PRCD: variants seen among roughly 807,000 people sequenced by gnomAD.
PRCD encodes the protein photoreceptor disc component, also known as photoreceptor disk component PRCD.
A neutral mutation model predicts 10.1 loss-of-function variants in PRCD; 12 were observed. The ratio of observed to expected loss-of-function variants is 1.18; its 90% CI spans 0.76 to 1.92. The LOEUF (loss-of-function observed/expected upper bound fraction) is 1.92. PRCD is among the 40% of genes most tolerant of loss of function. The pLI is 0.00. For synonymous variants in PRCD, 31 were observed against 26.2 expected (o/e 1.18, Z -0.56); for missense variants, 61 against 72.2 (o/e 0.84, Z 0.56).
intron 1 of PRCD, chr17:76,552,921 GTA>G (rs1029831976): frequency 9.6e-5 from 13 of 134,750 alleles, no homozygotes; most frequent in African/African-American, 3.2e-4. Context: ...TATAAAACAT[GTA>G]TATGTGTATA....
downstream of PRCD, chr17:76,546,569 G>C (rs2075056091): frequency 6.6e-6 from 1 of 152,146 alleles, no homozygotes; most frequent in African/African-American, 2.4e-5. This position sits in a 1 kb window ranked among gnomAD's most constrained non-coding sequence, Gnocchi z 4.5. Context: ...AATGGCGAGA[G>C]AGCAAACCCT....
Position 76,531,740 on chromosome 17 carries a change from C to T in PRCD, n.45+3907C>T. ...CGCTGAAGCTGGAGGCTGCCTCGGGCCCACCCTGAAGCTTCCAGGATAGTG... is the reference window on the plus strand; with the variant it reads ...CGCTGAAGCTGGAGGCTGCCTCGGGTCCACCCTGAAGCTTCCAGGATAGTG... On this transcript the variant is annotated intron_variant and non_coding_transcript_variant, in intron 1 of 4. Coordinates refer to the PRCD transcript ENST00000397633. The surrounding 1 kb of genome is among the most constrained non-coding windows in gnomAD (Gnocchi z 7.4). 2.0e-6 allele frequency: 3 copies of T among 1,505,958 alleles called. No homozygotes were observed. The highest frequency in any genetic ancestry group is 2.7e-6 in the Non-Finnish European group (3 of 1,103,914). 93.3% of individuals were successfully genotyped at this position (1,505,958 alleles called of 1,614,324 possible).
chr17:76,551,814 T>C (rs1162348642), intron 1 of PRCD: 1 of 152,030 alleles, frequency 6.6e-6, no homozygotes, highest in East Asian at 1.9e-4. Flanking sequence ...CCATGGGTTT[T>C]TAGGCTGGAT....
intron 1 of PRCD, chr17:76,551,764 T>C (rs1036447415): frequency 6.6e-6 from 1 of 152,152 alleles, no homozygotes; most frequent in Non-Finnish European, 1.5e-5. Context: ...TCCACTGTCA[T>C]AGCGTAATTT....
At chr17:76,534,799 G>C (rs2074897262) in intron 1 of PRCD, among the ~76,000 whole-genome samples, 1 of 152,188 alleles carries the variant, frequency 6.6e-6, no homozygotes, top group African/African-American at 2.4e-5. Flanking sequence ...ACCCACCACC[G>C]GGTTGTGGCC....
chr17:76,540,010 C>G, upstream of PRCD: 1 of 932,264 alleles, frequency 1.1e-6, no homozygotes, highest in Non-Finnish European at 1.7e-6. The surrounding 1 kb of genome is among the most constrained non-coding windows in gnomAD (Gnocchi z 5.0). Flanking sequence ...TCAGCTTGAG[C>G]CTCCTAATCC....
At chr17:76,545,854 C>A (rs747515658), downstream of PRCD, 25 of 171,402 alleles carry the variant, frequency 1.5e-4, no homozygotes, top group Non-Finnish European at 2.6e-4. Context: ...TTCCTCACAT[C>A]CTCACTCTCT....
chr17:76,544,337 G>A lies in PRCD; in HGVS notation c.*687G>A, dbSNP rs550804575. 1.9e-4 allele frequency: 87 copies of A among 454,494 alleles called. No individual in the cohort carries two copies. The highest frequency in any genetic ancestry group is 2.8e-4 in the Non-Finnish European group (64 of 226,860). The allele number at this position is 454,494 out of a possible 1,614,324, so 28.2% of individuals were successfully genotyped here. A position where few individuals can be genotyped will look rare whatever the true frequency, so the allele number is the denominator to read the frequency against. The stretch of plus-strand genomic sequence containing the variant: ...TTCTCTAGACAGCAGCACTTCAGCC[G>A]CCACTCTGCCTCTGAAGGGAAGGAA... On this transcript the variant is annotated 3_prime_UTR_variant, in exon 5 of 5. Transcript: ENST00000592014.
intron 1 of PRCD, chr17:76,529,267 G>C (rs560727757): frequency 1.9e-5 from 19 of 985,434 alleles, no homozygotes; most frequent in Middle Eastern, 1.0e-3. Flanking sequence ...GTGGGCTAGA[G>C]GGTGTAAAGG....
In PRCD at chr17:76,528,813, G is replaced by T; in HGVS notation, n.45+980G>T. 9.0e-7 allele frequency: 1 copy of T among 1,116,966 alleles called. No individual in the cohort carries two copies. The highest frequency in any genetic ancestry group is 1.1e-6 in the Non-Finnish European group (1 of 880,578). The allele number at this position is 1,116,966 out of a possible 1,614,324, so 69.2% of individuals were successfully genotyped here. On this transcript the variant is annotated intron_variant and non_coding_transcript_variant, in intron 1 of 4. Transcript: ENST00000397633. This position sits in a 1 kb window ranked among gnomAD's most constrained non-coding sequence, Gnocchi z 5.8. The stretch of plus-strand genomic sequence containing the variant: ...CTGTGTGATCTCAGGCAAGTCTACT[G>T]GCCCATGGGAGCTCCGGATCTTTTT...
Position 76,530,569 on chromosome 17 carries a change from A to G in PRCD, n.45+2736A>G, listed in dbSNP as rs921003827. 6.6e-6 allele frequency among the ~76,000 whole-genome samples: 1 copy of G among 152,090 alleles called. No individual in the cohort carries two copies. The highest frequency in any genetic ancestry group is 1.5e-5 in the Non-Finnish European group (1 of 68,010). ...AGCAGCACTGGTCGGCATGAGATGA[A>G]AAAACAGCCCCTTGTGATTGGCACC... On this transcript the variant is annotated intron_variant and non_coding_transcript_variant, in intron 1 of 4. Coordinates refer to the PRCD transcript ENST00000397633. The surrounding 1 kb of genome is among the most constrained non-coding windows in gnomAD (Gnocchi z 6.1).
upstream of PRCD, chr17:76,537,307 G>T: frequency 7.4e-7 from 1 of 1,348,354 alleles, no homozygotes; most frequent in Middle Eastern, 2.4e-4. Context: ...TGGGGAGGTG[G>T]CGCTGGAGCT....
At chr17:76,529,805 C>T (rs1302726156) in intron 1 of PRCD, 1 of 985,242 alleles carries the variant, frequency 1.0e-6, no homozygotes, top group Non-Finnish European at 1.2e-6. Flanking sequence ...CCCATTGACT[C>T]CCAGGTCTCA....
intron 1 of PRCD, among the ~76,000 whole-genome samples, chr17:76,552,600 A>C (rs2075118126): frequency 6.6e-6 from 1 of 151,742 alleles, no homozygotes; most frequent in Non-Finnish European, 1.5e-5. Flanking sequence ...GTGATGGCTC[A>C]TGCTTGTGAT....
rs1307126488 is a variant in PRCD, at chr17:76,528,090, C to T, written n.45+257C>T. ...GGGCCAAACCGAGGCTTCTGGGCGC[C>T]GCGGATACACATTCTAGATATGTAT... On this transcript the variant is annotated intron_variant and non_coding_transcript_variant, in intron 1 of 4. Transcript: ENST00000397633. This position sits in a 1 kb window ranked among gnomAD's most constrained non-coding sequence, Gnocchi z 5.8. 18 of 373,058 alleles carry T rather than the reference C, an allele frequency of 4.8e-5. No individual in the cohort carries two copies. In the East Asian group the frequency reaches 6.4e-4, roughly 13 times the overall value. 23.1% of individuals were successfully genotyped at this position (373,058 alleles called of 1,614,324 possible).
At chr17:76,552,651 G>A (rs1380082097) in intron 1 of PRCD, among the ~76,000 whole-genome samples, 3 of 151,528 alleles carry the variant, frequency 2.0e-5, no homozygotes, top group Non-Finnish European at 4.4e-5. Flanking sequence ...GTTACCTGAG[G>A]TCAGGAGTTC....
Position 76,540,526 on chromosome 17 carries a change from G to T in PRCD, c.96G>T (p.Gly32=), listed in dbSNP as rs1416273093. The T allele has an allele frequency of 3.7e-6, 6 of 1,613,566 alleles. No individual in the cohort carries two copies. In the African/African-American group the frequency reaches 5.3e-5, roughly 14 times the overall value. Residue 32 remains glycine (G), a synonymous_variant, in exon 2 of 5, where the codon GGG becomes GGT. Coordinates refer to ENST00000592014, the MANE Select transcript of PRCD (RefSeq NM_001077620.3). This position sits in a 1 kb window ranked among gnomAD's most constrained non-coding sequence, Gnocchi z 5.0. ...RVQPEPSDVD[G]AARGSSLDAD... Reference sequence around the variant, plus strand: ...ACAGAGAGCCCAGCGACGTGGATGGGGCAGCTAGGGGCAGCAGCTTGGATG... The same window carrying T: ...ACAGAGAGCCCAGCGACGTGGATGGTGCAGCTAGGGGCAGCAGCTTGGATG...
Position 76,531,526 on chromosome 17 carries a change from G to C in PRCD, n.45+3693G>C, listed in dbSNP as rs759755981. On this transcript the variant is annotated intron_variant and non_coding_transcript_variant, in intron 1 of 4. Coordinates refer to the PRCD transcript ENST00000397633. The surrounding 1 kb of genome is among the most constrained non-coding windows in gnomAD (Gnocchi z 7.4). ...CTTTCCCCACAAGGGCGAGCACAGA[G>C]GACACCTTGTCGGGGTCATGCAGGT... is the stretch of plus-strand genomic sequence containing the variant. 1.2e-6 allele frequency: 2 copies of C among 1,614,124 alleles called. No homozygotes were observed. The highest frequency in any genetic ancestry group is 1.7e-6 in the Non-Finnish European group (2 of 1,179,930).
intron 2 of PRCD, among the ~76,000 whole-genome samples, chr17:76,541,366 T>C (rs1485966879): frequency 6.6e-6 from 1 of 152,138 alleles, no homozygotes; most frequent in African/African-American, 2.4e-5. Context: ...TCCGATGACA[T>C]CTTTGGGTCA....
Sources: allele counts gnomAD v4.1 joint callset (sites outside exome capture counted in the v4.1 genomes callset), GRCh38; gene constraint gnomAD v4.1.1; non-coding constraint Gnocchi (gnomAD v3.1); transcripts MANE v1.5; gene names NCBI Gene and HGNC (gene_info 2026-07-23, HGNC 2026-07-21).